Variants in UMOD observed in about 807,000 individuals in gnomAD.
The protein encoded by UMOD is uromodulin, also known as Tamm-Horsfall urinary glycoprotein.
Under a neutral mutation model 66.0 loss-of-function variants are expected in UMOD, and 64 were observed. The ratio of observed to expected loss-of-function variants is 0.97; its 90% CI spans 0.79 to 1.19. UMOD has a LOEUF of 1.19. Among genes scored for constraint, UMOD ranks in the 50% most tolerant of loss-of-function variants. UMOD has a pLI of 0.00. For synonymous variants in UMOD, 398 were observed against 352.7 expected (o/e 1.13, Z -1.44); for missense variants, 764 against 850.9 (o/e 0.90, Z 1.27).
chr16:20,344,832 C>T (rs1260319176), intron 5 of UMOD, among the ~76,000 whole-genome samples: 1 of 152,150 alleles, frequency 6.6e-6, no homozygotes, highest in African/African-American at 2.4e-5. Flanking sequence ...GCTTCCCAGA[C>T]AAGAAGACAG....
chr16:20,348,690 C>T lies in UMOD; in HGVS notation c.611G>A (p.Arg204His), dbSNP rs1376973021. Residue 204 changes from arginine (R) to histidine (H), a missense_variant, in exon 3 of 11, where the codon CGC becomes CAC. Transcript: ENST00000396138. Reference protein sequence around the residue: ...ACDTDLRGWYRFVGQGGARMA... With the variant: ...ACDTDLRGWYHFVGQGGARMA... ...GCGCGCACCGCCCTGGCCCACGAAG[C>T]GGTACCAGCCGCGCAGGTCCGTGTC... 6.4e-7 allele frequency: 1 copy of T among 1,552,774 alleles called. No homozygotes were observed. Among genetic ancestry groups the T allele is most frequent in the Non-Finnish European group, 8.7e-7 (1 of 1,150,692 alleles).
chr16:20,336,828 C>G (rs1964901268), intron 8 of UMOD, 101 bp from the exon 9 acceptor site: 4 of 1,075,224 alleles, frequency 3.7e-6, no homozygotes, highest in Non-Finnish European at 5.6e-6. Flanking sequence ...CCTTCCCTTG[C>G]CCCAGGCAGA....
chr16:20,348,012 C>G (rs991358220), intron 4 of UMOD, among the ~76,000 whole-genome samples: 7 of 152,216 alleles, frequency 4.6e-5, no homozygotes, highest in Admixed American at 3.3e-4. Context: ...TCTTTGGCAG[C>G]TTTGAAGTCA....
Position 20,344,110 on chromosome 16 carries a change from A to G in UMOD, c.1245T>C (p.Arg415=). Residue 415 remains arginine, a synonymous_variant, in exon 6 of 11, where the codon CGT becomes CGC. Coordinates refer to ENST00000396138, the MANE Select transcript of UMOD (RefSeq NM_003361.4). ...TLYLADEIII[R]DLNIKINFAC... is the part of the protein sequence containing the mutation. ...CAAAGTTGATTTTGATGTTGAGGTCACGGATGATGATCTCATCTGCCAGGT... is the reference window on the plus strand; with the variant it reads ...CAAAGTTGATTTTGATGTTGAGGTCGCGGATGATGATCTCATCTGCCAGGT... The G allele has an allele frequency of 6.2e-7, 1 of 1,611,592 alleles. No individual in the cohort carries two copies. Among genetic ancestry groups the G allele is most frequent in the Non-Finnish European group, 8.5e-7 (1 of 1,178,856 alleles).
chr16:20,353,851 C>T (rs137919527), upstream of UMOD, among the ~76,000 whole-genome samples: 622 of 152,122 alleles, frequency 4.1e-3, 12 homozygotes, highest in African/African-American at 0.013. Flanking sequence ...TGATGTGCTG[C>T]ACCCATTAAC....
upstream of UMOD, among the ~76,000 whole-genome samples, chr16:20,353,091 T>C (rs1965967215): frequency 6.6e-6 from 1 of 152,214 alleles, no homozygotes; most frequent in African/African-American, 2.4e-5. Context: ...AGCCAGTATC[T>C]GAAGCCAGGC....
chr16:20,351,235 T>C (rs1232635463), intron 1 of UMOD: 1 of 224,554 alleles, frequency 4.5e-6, no homozygotes, highest in Non-Finnish European at 8.9e-6. Flanking sequence ...AGTAGCTACA[T>C]TGTGCCAAAC....
intron 1 of UMOD, 129 bp from the exon 2 acceptor site, chr16:20,350,968 A>G (rs1965861240): frequency 1.1e-6 from 1 of 905,922 alleles, no homozygotes; most frequent in Non-Finnish European, 1.6e-6. Flanking sequence ...ATTGCATAAC[A>G]CTGCAGCCCT....
At chr16:20,349,851 G>A (rs1965804612) in intron 2 of UMOD, 2 of 1,548,086 alleles carry the variant, frequency 1.3e-6, no homozygotes, top group African/African-American at 1.4e-5. Flanking sequence ...CCACCTGGCT[G>A]GGCAGTTGTA....
intron 2 of UMOD, 87 bp from the exon 3 acceptor site, chr16:20,349,299 A>G (rs2141677592): frequency 6.2e-6 from 9 of 1,456,966 alleles, no homozygotes; most frequent in South Asian, 2.4e-5. Flanking sequence ...CAGGGAACTC[A>G]TTATTTTTAA....
upstream of UMOD, among the ~76,000 whole-genome samples, chr16:20,355,409 C>CTT (rs71377648): frequency 2.6e-3 from 361 of 139,300 alleles, no homozygotes; most frequent in Non-Finnish European, 3.6e-3. Flanking sequence ...TTTTCTTCTT[C>CTT]TTTTTTTTTT....
upstream of UMOD, chr16:20,356,059 G>C (rs558705152): frequency 6.6e-6 from 1 of 152,160 alleles, no homozygotes; most frequent in Non-Finnish European, 1.5e-5. Context: ...GAAACTAAAG[G>C]GTGGAGAGTT....
rs1965843832 is a variant in UMOD at position 20,350,631 on chromosome 16, A to G, written c.88+19T>C. The G allele has an allele frequency of 6.2e-7, 1 of 1,614,002 alleles. No individual in the cohort carries two copies. The highest frequency in any genetic ancestry group is 8.5e-7 in the Non-Finnish European group (1 of 1,179,954). On this transcript the variant is annotated intron_variant, in intron 2 of 10. Transcript: ENST00000396138. ...ACGTGCATACACACATATACAACGC[A>G]CACACACTTTTCACTTACTTGCTTC...
chr16:20,335,458 A>G, intron 10 of UMOD, 24 bp downstream of exon 10: 1 of 1,612,738 alleles, frequency 6.2e-7, no homozygotes, highest in East Asian at 2.2e-5. Flanking sequence ...AACAGGTCCC[A>G]CTGCAGAAAG....
chr16:20,345,534 T>C (rs894325881), intron 5 of UMOD, among the ~76,000 whole-genome samples: 1 of 122,280 alleles, frequency 8.2e-6, no homozygotes, highest in Non-Finnish European at 1.7e-5. Flanking sequence ...CTTCCTTCCT[T>C]CCCTCTCTCT....
intron 7 of UMOD, among the ~76,000 whole-genome samples, chr16:20,340,458 A>G (rs1965132357): frequency 8.6e-6 from 1 of 116,554 alleles, no homozygotes; most frequent in African/African-American, 4.1e-5. Flanking sequence ...GTGTGTATAT[A>G]TATGTGTGTG....
At chr16:20,348,400 G>A (rs770096857) in intron 3 of UMOD, 36 bp downstream of exon 3, 2 of 1,614,126 alleles carry the variant, frequency 1.2e-6, no homozygotes, top group South Asian at 1.1e-5. Context: ...GCCTTTCCAG[G>A]CCTGGGATGA....
At chr16:20,355,294 T>C (rs77472239), upstream of UMOD, among the ~76,000 whole-genome samples, 157 of 152,320 alleles carry the variant, frequency 1.0e-3, 3 homozygotes, top group East Asian at 0.028. Flanking sequence ...TCAATATTTT[T>C]CTCTTTATCT....
chr16:20,335,560 A>T, intron 9 of UMOD, 40 bp from the exon 10 acceptor site: 5 of 1,603,090 alleles, frequency 3.1e-6, no homozygotes, highest in Non-Finnish European at 4.3e-6. Context: ...TAAAGAATGC[A>T]TGAGATTTGG....
Sources: gnomAD v4.1 joint callset for allele counts (sites outside exome capture counted in the v4.1 genomes callset) on GRCh38, gnomAD v4.1.1 for gene constraint, MANE v1.5 for transcripts, NCBI Gene and HGNC (gene_info 2026-07-23, HGNC 2026-07-21) for gene names.